WDTC1: variants seen among roughly 807,000 people sequenced by gnomAD.
WDTC1 encodes WD and tetratricopeptide repeats 1.
WDTC1 carries 12 observed loss-of-function variants against 76.0 expected under a neutral mutation model. The observed-to-expected ratio is 0.16, with a 90% CI of 0.10 to 0.26. WDTC1 has a LOEUF of 0.26. Ranked by LOEUF, WDTC1 falls within the 10% of genes least tolerant of loss-of-function variation. The probability of loss-of-function intolerance (pLI) is 1.00; values close to 1 mark genes in which losing one functional copy is unlikely to be tolerated. For missense variants in WDTC1, 511 were observed against 908.8 expected, an observed-to-expected ratio of 0.56 and a Z score of 5.63; for synonymous variants, 326 against 350.8, an observed-to-expected ratio of 0.93 and a Z score of 0.79.
intron 3 of WDTC1, among the ~76,000 whole-genome samples, chr1:27,272,603 T>C (rs2012903373): frequency 6.6e-6 from 1 of 152,226 alleles, no homozygotes; most frequent in African/African-American, 2.4e-5. Flanking sequence ...AATTCAAATA[T>C]GGAATAGGGA....
At chr1:27,236,624 G>T (rs140187748) in intron 1 of WDTC1, among the ~76,000 whole-genome samples, 1 of 151,862 alleles carries the variant, frequency 6.6e-6, no homozygotes, top group Non-Finnish European at 1.5e-5. Context: ...ACAATTGACA[G>T]TTTTTTTTAG....
intron 3 of WDTC1, among the ~76,000 whole-genome samples, chr1:27,263,669 C>A (rs760888067): frequency 1.3e-5 from 2 of 152,084 alleles, no homozygotes. Context: ...CTCCTGACCT[C>A]GTGATCCGCC....
intron 5 of WDTC1, among the ~76,000 whole-genome samples, chr1:27,285,149 G>T (rs532672367): frequency 1.3e-5 from 2 of 150,680 alleles, no homozygotes; most frequent in South Asian, 4.2e-4. Flanking sequence ...CGATTCTTGT[G>T]CCTCAGCCTC....
intron 12 of WDTC1, 54 bp downstream of exon 12, chr1:27,298,165 G>A: frequency 2.0e-6 from 3 of 1,502,168 alleles, no homozygotes; most frequent in Non-Finnish European, 2.7e-6. Context: ...AAAGCAGCTG[G>A]ACCAAAAGGC....
chr1:27,265,111 T>TA (rs1286332234), intron 3 of WDTC1, among the ~76,000 whole-genome samples: 3 of 152,138 alleles, frequency 2.0e-5, no homozygotes, highest in African/African-American at 7.2e-5. Context: ...GCCCACACTG[T>TA]AAGCTTAAAA....
chr1:27,264,922 C>T (rs943022581), intron 3 of WDTC1, among the ~76,000 whole-genome samples: 6 of 152,102 alleles, frequency 3.9e-5, no homozygotes, highest in African/African-American at 1.4e-4. Context: ...CCTGCCTCAG[C>T]CCCCTGAATA....
Position 27,303,905 on chromosome 1 carries a change from C to G in WDTC1, c.1643+110C>G. 1 of 1,455,980 alleles carries G rather than the reference C, an allele frequency of 6.9e-7. No individual in the cohort carries two copies. The allele number at this position is 1,455,980 out of a possible 1,614,324, so 90.2% of individuals were successfully genotyped here. ...AGAATCTCAAATCCCTGCTCTGCCT[C>G]TGTACCCTTGGGCAAATGGCTTCAC... On this transcript the variant is annotated intron_variant, in intron 14 of 15. Coordinates refer to ENST00000319394, the MANE Select transcript of WDTC1 (RefSeq NM_001276252.2). This position sits in a 1 kb window ranked among gnomAD's most constrained non-coding sequence, Gnocchi z 4.8.
At chr1:27,304,038 G>A (rs918133775) in intron 14 of WDTC1, 32 of 467,386 alleles carry the variant, frequency 6.8e-5, no homozygotes, top group Admixed American at 5.9e-4. Flanking sequence ...AGCCTCCAGC[G>A]CAGTGCCTGA....
At chr1:27,296,494 C>G in intron 10 of WDTC1, 93 bp downstream of exon 10, 1 of 1,323,888 alleles carries the variant, frequency 7.6e-7, no homozygotes, top group Admixed American at 1.8e-5. Context: ...TTACTCTGGA[C>G]CGTGATCCTC....
chr1:27,270,849 G>A (rs553539337), intron 3 of WDTC1, among the ~76,000 whole-genome samples: 2 of 152,328 alleles, frequency 1.3e-5, no homozygotes, highest in South Asian at 4.1e-4. Flanking sequence ...ATGCATGAAT[G>A]TGCCTGTTTC....
At chr1:27,283,539 G>C in intron 5 of WDTC1, 90 bp downstream of exon 5, 2 of 1,158,568 alleles carry the variant, frequency 1.7e-6, no homozygotes, top group Non-Finnish European at 2.5e-6. Flanking sequence ...GTATGTGTGT[G>C]TCCCATATAC....
rs2013946351 is a variant in WDTC1 at position 27,306,080 on chromosome 1, CT to C, written c.1837-105del. Reference sequence around the variant, plus strand: ...TCCTGGCATGTATGTGTACCTCCCCCTATAGATAGTTTAGTCTGTGTATTTC... The same window carrying C: ...TCCTGGCATGTATGTGTACCTCCCCCATAGATAGTTTAGTCTGTGTATTTC... On this transcript the variant is annotated intron_variant, in intron 15 of 15. Coordinates refer to ENST00000319394, the MANE Select transcript of WDTC1 (RefSeq NM_001276252.2). This position sits in a 1 kb window ranked among gnomAD's most constrained non-coding sequence, Gnocchi z 5.0. 6 of 1,277,400 alleles carry C rather than the reference CT, an allele frequency of 4.7e-6. No individual in the cohort carries two copies. Among genetic ancestry groups the C allele is most frequent in the Non-Finnish European group, 6.6e-6 (6 of 908,894 alleles). 79.1% of individuals were successfully genotyped at this position (1,277,400 alleles called of 1,614,324 possible).
chr1:27,280,825 T>C (rs535784597), intron 3 of WDTC1, among the ~76,000 whole-genome samples: 4 of 152,374 alleles, frequency 2.6e-5, no homozygotes, highest in Admixed American at 2.0e-4. Context: ...TATGTGTAGC[T>C]ACACAAACTG....
intron 1 of WDTC1, among the ~76,000 whole-genome samples, chr1:27,238,426 T>C (rs1180920929): frequency 6.6e-6 from 1 of 152,188 alleles, no homozygotes; most frequent in East Asian, 1.9e-4. Flanking sequence ...ATGGGCTGCC[T>C]TGTGAGGGAG....
At position 27,290,264 on chromosome 1, in the gene WDTC1, T is replaced by A. The variant is rs933502044; in HGVS notation, c.480-1951T>A. Among the ~76,000 whole-genome samples, 15 of 152,160 alleles carry A rather than the reference T, an allele frequency of 9.9e-5. 1 individual carries two copies. The highest frequency in any genetic ancestry group is 6.8e-3 in the Middle Eastern group (2 of 294). Reference sequence around the variant, plus strand: ...GCTTGGCTAATTTTTCTATTTTTTTTGTAGAGATGGGGTTTCTCTGTGTTG... The same window carrying A: ...GCTTGGCTAATTTTTCTATTTTTTTAGTAGAGATGGGGTTTCTCTGTGTTG... On this transcript the variant is annotated intron_variant, in intron 6 of 15. Coordinates refer to ENST00000319394, the MANE Select transcript of WDTC1 (RefSeq NM_001276252.2).
At chr1:27,281,992 C>T (rs891060694) in intron 3 of WDTC1, among the ~76,000 whole-genome samples, 1 of 152,162 alleles carries the variant, frequency 6.6e-6, no homozygotes, top group South Asian at 2.1e-4. Context: ...TTCTGCAAAA[C>T]GGGATCAATG....
chr1:27,285,159 C>T (rs1027301387), intron 5 of WDTC1, among the ~76,000 whole-genome samples: 3 of 151,596 alleles, frequency 2.0e-5, no homozygotes, highest in Admixed American at 2.0e-4. Flanking sequence ...GCCTCAGCCT[C>T]CTAAGTAGCT....
intron 1 of WDTC1, among the ~76,000 whole-genome samples, chr1:27,249,319 C>G (rs2011958212): frequency 6.6e-6 from 1 of 150,972 alleles, no homozygotes; most frequent in South Asian, 2.1e-4. Context: ...TCCCCCCATT[C>G]CCTTCAGCCC....
rs568851133 is a variant in WDTC1 at position 27,294,615 on chromosome 1, A to T, written c.859A>T (p.Met287Leu). 1 of 1,613,822 alleles carries T rather than the reference A, an allele frequency of 6.2e-7. No individual in the cohort carries two copies. Among genetic ancestry groups the T allele is most frequent in the South Asian group, 1.1e-5 (1 of 91,080 alleles). Residue 287 changes from methionine (M) to leucine (L), a missense_variant, in exon 9 of 16, where the codon ATG becomes TTG. Physicochemically the swap from Met to Leu is conservative, Grantham distance 15. Coordinates refer to ENST00000319394, the MANE Select transcript of WDTC1 (RefSeq NM_001276252.2). ...CAATGGCACAGAGCTACTAGTCAAC[A>T]TGGGGGGGGAACAGGTATGTACAGC... is the stretch of plus-strand genomic sequence containing the variant. ...SPNGTELLVN[M>L]GGEQVYLFDL...
Sources: allele counts gnomAD v4.1 joint callset (sites outside exome capture counted in the v4.1 genomes callset), GRCh38; gene constraint gnomAD v4.1.1; non-coding constraint Gnocchi (gnomAD v3.1); transcripts MANE v1.5; gene names NCBI Gene and HGNC (gene_info 2026-07-23, HGNC 2026-07-21).